ANK2: variants seen among roughly 807,000 people sequenced by gnomAD.
ANK2 encodes the protein ankyrin-2.
Under a neutral mutation model 360.5 loss-of-function variants are expected in ANK2, and 83 were observed. The observed-to-expected ratio is 0.23, with a 90% CI of 0.19 to 0.28. The LOEUF is 0.28. Among genes scored for constraint, ANK2 ranks in the 10% least tolerant of loss-of-function variants. ANK2 has a pLI of 1.00. For synonymous variants in ANK2, 1,740 were observed against 1,759.5 expected (o/e 0.99, Z 0.28); for missense variants, 4,201 against 4,795.7 (o/e 0.88, Z 3.66).
At chr4:113,334,780 T>A (rs1172907770) in intron 29 of ANK2, among the ~76,000 whole-genome samples, 1 of 118,728 alleles carries the variant, frequency 8.4e-6, no homozygotes, top group Non-Finnish European at 1.7e-5. Context: ...AGTTAATAGA[T>A]TAATTAATCT....
At chr4:113,069,757 C>T (rs1031132504) in intron 1 of ANK2, among the ~76,000 whole-genome samples, 1 of 152,154 alleles carries the variant, frequency 6.6e-6, no homozygotes, top group African/African-American at 2.4e-5. Context: ...TATTAAGTCA[C>T]CACTTGTACC....
chr4:113,329,848 A>C (rs997564274), intron 26 of ANK2, among the ~76,000 whole-genome samples: 2 of 152,216 alleles, frequency 1.3e-5, no homozygotes, highest in Non-Finnish European at 2.9e-5. Context: ...TTCAACATGT[A>C]GATTTTTTAG....
chr4:113,187,303 G>A (rs1584336257), intron 2 of ANK2, among the ~76,000 whole-genome samples: 1 of 152,308 alleles, frequency 6.6e-6, no homozygotes, highest in South Asian at 2.1e-4. Context: ...AGCAGGCAGA[G>A]AAAACCATTT....
intron 2 of ANK2, among the ~76,000 whole-genome samples, chr4:112,982,184 ATT>A (rs772234499): frequency 0.012 from 1,803 of 151,996 alleles, 19 homozygotes; most frequent in African/African-American, 0.021. Context: ...AAGAAGAAAA[ATT>A]TTTTTTTAAT....
intron 1 of ANK2, among the ~76,000 whole-genome samples, chr4:113,061,558 T>TA (rs2073379302): frequency 6.6e-6 from 1 of 152,046 alleles, no homozygotes; most frequent in African/African-American, 2.4e-5. Flanking sequence ...ATCAATAATT[T>TA]AAAAAAATTA....
chr4:112,998,750 A>G (rs1388696027), intron 2 of ANK2, among the ~76,000 whole-genome samples: 1 of 152,204 alleles, frequency 6.6e-6, no homozygotes, highest in African/African-American at 2.4e-5. Context: ...TGTCATTGTG[A>G]ATTTTGAATC....
the ANK2 span, among the ~76,000 whole-genome samples, chr4:112,733,522 TTA>T: frequency 6.6e-6 from 1 of 152,214 alleles, no homozygotes; most frequent in African/African-American, 2.4e-5. Flanking sequence ...TATGTAAGTT[TTA>T]TACTAATAAC....
At chr4:112,878,485 C>G (rs1053723682) in intron 1 of ANK2, among the ~76,000 whole-genome samples, 3 of 152,020 alleles carry the variant, frequency 2.0e-5, no homozygotes, top group African/African-American at 4.8e-5. Context: ...CGCCACCACG[C>G]CCAGTTAATT....
At chr4:112,743,358 A>G in the ANK2 span, among the ~76,000 whole-genome samples, 2 of 152,138 alleles carry the variant, frequency 1.3e-5, no homozygotes, top group Admixed American at 6.6e-5. Context: ...TTAAAATTCG[A>G]GACCATTATA....
At chr4:112,886,504 A>G (rs1005333605) in intron 1 of ANK2, among the ~76,000 whole-genome samples, 2 of 152,102 alleles carry the variant, frequency 1.3e-5, no homozygotes, top group African/African-American at 4.8e-5. Flanking sequence ...TCTATTAAAA[A>G]TACAAAAATC....
chr4:112,851,629 CTTTTTT>C (rs201925948), intron 1 of ANK2, among the ~76,000 whole-genome samples: 1 of 145,320 alleles, frequency 6.9e-6, no homozygotes, highest in African/African-American at 2.5e-5. Context: ...TTTTCTTTTT[CTTTTTT>C]TTTTTTGAGA....
the ANK2 span, among the ~76,000 whole-genome samples, chr4:112,742,729 C>CTT: frequency 6.9e-6 from 1 of 144,592 alleles, no homozygotes; most frequent in Non-Finnish European, 1.5e-5. Flanking sequence ...TCCACATCTT[C>CTT]TTTTTTTTTT....
At chr4:113,269,645 C>T (rs779420780) in intron 14 of ANK2, among the ~76,000 whole-genome samples, 1 of 152,212 alleles carries the variant, frequency 6.6e-6, no homozygotes, top group Non-Finnish European at 1.5e-5. Flanking sequence ...CCAGATACCT[C>T]AGTTGGAAAT....
the ANK2 span, among the ~76,000 whole-genome samples, chr4:112,790,531 A>G: frequency 7.7e-6 from 1 of 130,016 alleles, no homozygotes; most frequent in Non-Finnish European, 1.6e-5. Context: ...TCTGTCGCCC[A>G]GGCTGGGGTG....
intron 32 of ANK2, among the ~76,000 whole-genome samples, chr4:113,341,288 A>G (rs1161896027): frequency 1.3e-5 from 2 of 152,210 alleles, no homozygotes; most frequent in African/African-American, 4.8e-5. Flanking sequence ...GGATCAAGGA[A>G]AATAGAAAAC....
intron 5 of ANK2, among the ~76,000 whole-genome samples, chr4:113,233,363 T>C (rs58742830): frequency 2.6e-5 from 4 of 151,168 alleles, no homozygotes; most frequent in South Asian, 2.1e-4. Context: ...TCTCGATCTC[T>C]TGACCTCGTG....
intron 1 of ANK2, among the ~76,000 whole-genome samples, chr4:113,154,994 C>T (rs745501844): frequency 4.1e-4 from 63 of 152,058 alleles, no homozygotes; most frequent in Non-Finnish European, 8.2e-4. Flanking sequence ...CACAAGATAA[C>T]TTAGAGGTGG....
chr4:113,342,154 A>G (rs1479279492), intron 33 of ANK2, among the ~76,000 whole-genome samples: 1 of 152,188 alleles, frequency 6.6e-6, no homozygotes, highest in Non-Finnish European at 1.5e-5. Flanking sequence ...AGATTATTTG[A>G]GGAAAAATTA....
chr4:112,791,261 G>T, the ANK2 span, among the ~76,000 whole-genome samples: 2 of 152,176 alleles, frequency 1.3e-5, no homozygotes, highest in African/African-American at 4.8e-5. Flanking sequence ...ATATTGTAGA[G>T]GAGATTCCCA....
Sources: allele counts gnomAD v4.1 joint callset (sites outside exome capture counted in the v4.1 genomes callset), GRCh38; gene constraint gnomAD v4.1.1; transcripts MANE v1.5; gene names NCBI Gene and HGNC (gene_info 2026-07-23, HGNC 2026-07-21).